Variants in ARHGAP12 observed in about 807,000 individuals in gnomAD.
The protein encoded by ARHGAP12 is rho GTPase-activating protein 12.
ARHGAP12 carries 64 observed loss-of-function variants against 108.6 expected under a neutral mutation model. The observed-to-expected ratio is 0.59, with a 90% CI of 0.48 to 0.73. The LOEUF (loss-of-function observed/expected upper bound fraction) is 0.73, where lower values mean the gene tolerates loss of function less well. ARHGAP12 is among the 30% of genes least tolerant of loss of function. ARHGAP12 has a pLI of 0.00. For synonymous variants in ARHGAP12, 312 were observed against 337.2 expected, an observed-to-expected ratio of 0.93 and a Z score of 0.82; for missense variants, 940 against 1,005.9, an observed-to-expected ratio of 0.93 and a Z score of 0.89.
chr10:31,832,661 ACTCT>A (rs151070447), intron 9 of ARHGAP12, among the ~76,000 whole-genome samples: 3 of 149,690 alleles, frequency 2.0e-5, no homozygotes, highest in Non-Finnish European at 3.0e-5. Flanking sequence ...ATACACACGC[ACTCT>A]CTCTCTCTCT....
chr10:31,894,119 T>A (rs1380483042), intron 3 of ARHGAP12, among the ~76,000 whole-genome samples: 1 of 152,234 alleles, frequency 6.6e-6, no homozygotes, highest in African/African-American at 2.4e-5. Flanking sequence ...GAGCTATCTA[T>A]GACAAACCCA....
chr10:31,881,915 GT>G lies in ARHGAP12; in HGVS notation c.685-20258del, dbSNP rs886188365. On this transcript the variant is annotated intron_variant, in intron 3 of 19. Transcript: ENST00000344936. The stretch of plus-strand genomic sequence containing the variant: ...GGAAAAACAAAATTTTTGTTTAGAT[GT>G]TTTTTTTTTTTTTTTTGAGACGGAG... 4.7e-3 allele frequency among the ~76,000 whole-genome samples: 635 copies of G among 135,966 alleles called. 5 individuals carry two copies. Among genetic ancestry groups the G allele is most frequent in the Middle Eastern group, 7.8e-3 (2 of 258 alleles). The allele number at this position is 135,966 out of a possible 152,430, so 89.2% of individuals were successfully genotyped here.
At chr10:31,879,573 CTTAT>C (rs1259926619) in intron 3 of ARHGAP12, among the ~76,000 whole-genome samples, 1 of 152,122 alleles carries the variant, frequency 6.6e-6, no homozygotes, top group Non-Finnish European at 1.5e-5. Flanking sequence ...AATTGTTTAA[CTTAT>C]TTAACTTAAT....
intron 3 of ARHGAP12, among the ~76,000 whole-genome samples, chr10:31,893,889 C>T (rs1838562719): frequency 1.3e-5 from 2 of 152,192 alleles, no homozygotes; most frequent in Non-Finnish European, 2.9e-5. Flanking sequence ...CATCAAAAAG[C>T]TTATCCACTA....
intron 3 of ARHGAP12, among the ~76,000 whole-genome samples, 167 bp downstream of exon 3, chr10:31,908,005 C>A (rs144802460): frequency 0.013 from 1,954 of 152,300 alleles, 34 homozygotes; most frequent in African/African-American, 0.043. Context: ...ATGAACTCCA[C>A]AAGTTATTTC....
chr10:31,895,941 G>A lies in ARHGAP12; in HGVS notation c.684+12231C>T, dbSNP rs570532559. Among the ~76,000 whole-genome samples, 294 of 152,232 alleles carry A rather than the reference G, an allele frequency of 1.9e-3. 2 individuals are homozygous for A. Among genetic ancestry groups the A allele is most frequent in the African/African-American group, 6.9e-3 (288 of 41,534 alleles). On this transcript the variant is annotated intron_variant, in intron 3 of 19. Coordinates refer to ENST00000344936, the MANE Select transcript of ARHGAP12 (RefSeq NM_018287.7). ...AGGATGAGTTCATGTCCTTTGTAGG[G>A]ACATGGATGAAGCTGGAAACCATCA...
chr10:31,828,372 G>A (rs1227624566), intron 10 of ARHGAP12, among the ~76,000 whole-genome samples: 2 of 151,408 alleles, frequency 1.3e-5, no homozygotes, highest in Non-Finnish European at 2.9e-5. Context: ...TATTATAGAT[G>A]GTGCTTTTTC....
chr10:31,808,785 A>G, intron 18 of ARHGAP12, 34 bp from the exon 19 acceptor site: 1 of 1,601,674 alleles, frequency 6.2e-7, no homozygotes, highest in East Asian at 2.2e-5. Context: ...ATTTTACAGC[A>G]AATTCTTATG....
chr10:31,837,205 C>G (rs1210661864), intron 9 of ARHGAP12, among the ~76,000 whole-genome samples: 1 of 152,214 alleles, frequency 6.6e-6, no homozygotes, highest in Admixed American at 6.5e-5. Context: ...GCATTACCTA[C>G]ATTTAAAATA....
intron 1 of ARHGAP12, among the ~76,000 whole-genome samples, chr10:31,926,512 C>T (rs570709771): frequency 1.3e-5 from 2 of 152,174 alleles, no homozygotes; most frequent in African/African-American, 2.4e-5. Context: ...AAATACAGGA[C>T]AAAAGTTTAA....
chr10:31,900,815 G>A (rs61843859), intron 3 of ARHGAP12, among the ~76,000 whole-genome samples: 1 of 149,338 alleles, frequency 6.7e-6, no homozygotes, highest in Non-Finnish European at 1.5e-5. Flanking sequence ...CACAAAGAAT[G>A]AACCCCAATG....
chr10:31,841,986 G>A (rs1347417537), intron 7 of ARHGAP12, among the ~76,000 whole-genome samples: 5 of 151,840 alleles, frequency 3.3e-5, no homozygotes, highest in African/African-American at 7.3e-5. Context: ...ATCTCTAATC[G>A]CAAAAAAATC....
intron 1 of ARHGAP12, among the ~76,000 whole-genome samples, chr10:31,916,347 G>GAC (rs1280258237): frequency 6.6e-6 from 1 of 151,622 alleles, no homozygotes; most frequent in Admixed American, 6.6e-5. Flanking sequence ...CACCACCCCC[G>GAC]ACACACACGC....
At chr10:31,837,443 G>T (rs760625197) in intron 9 of ARHGAP12, among the ~76,000 whole-genome samples, 11 of 152,202 alleles carry the variant, frequency 7.2e-5, no homozygotes, top group Admixed American at 6.5e-5. Context: ...TTAAAACCTG[G>T]TAGGGAGACT....
At chr10:31,919,524 G>A (rs1839699575) in intron 1 of ARHGAP12, among the ~76,000 whole-genome samples, 1 of 152,230 alleles carries the variant, frequency 6.6e-6, no homozygotes, top group South Asian at 2.1e-4. Context: ...CAGGCGCGGT[G>A]GCTCACGCCT....
At chr10:31,820,587 T>TAG (rs1294722429) in intron 11 of ARHGAP12, 99 bp from the exon 12 acceptor site, 1 of 621,006 alleles carries the variant, frequency 1.6e-6, no homozygotes, top group Non-Finnish European at 2.5e-6. Context: ...ATAAATCAAA[T>TAG]AGATTTTCTC....
rs1476767256 is a variant in ARHGAP12, at chr10:31,808,828, A to G, written c.2264-77T>C. 7 of 1,470,636 alleles carry G rather than the reference A, an allele frequency of 4.8e-6. No individual in the cohort carries two copies. In the East Asian group the frequency reaches 9.0e-5, roughly 19 times the overall value. The allele number at this position is 1,470,636 out of a possible 1,614,324, so 91.1% of individuals were successfully genotyped here. ...AAGCAATGTCACAGTTTGGAAGCTG[A>G]TATTTGGTAATACACAGTGACATCT... On this transcript the variant is annotated intron_variant, in intron 18 of 19. Coordinates refer to ENST00000344936, the MANE Select transcript of ARHGAP12 (RefSeq NM_018287.7).
chr10:31,901,231 A>C (rs1318764431), intron 3 of ARHGAP12, among the ~76,000 whole-genome samples: 6 of 148,776 alleles, frequency 4.0e-5, no homozygotes, highest in Non-Finnish European at 8.9e-5. Flanking sequence ...AAAAAAAGAG[A>C]AGAAAAGAAA....
chr10:31,859,811 T>C (rs1203172461), intron 4 of ARHGAP12, among the ~76,000 whole-genome samples: 1 of 151,994 alleles, frequency 6.6e-6, no homozygotes, highest in East Asian at 1.9e-4. Flanking sequence ...TTTTTTTTTT[T>C]TGAGATAGAG....
Sources: allele counts gnomAD v4.1 joint callset (sites outside exome capture counted in the v4.1 genomes callset), GRCh38; gene constraint gnomAD v4.1.1; transcripts MANE v1.5; gene names NCBI Gene and HGNC (gene_info 2026-07-23, HGNC 2026-07-21).